Variants in ANXA11 observed in about 807,000 individuals in gnomAD.
ANXA11 encodes annexin A11.
Under a neutral mutation model 64.7 loss-of-function variants are expected in ANXA11, and 57 were observed. The observed-to-expected ratio is 0.88, with a 90% CI of 0.71 to 1.10. The LOEUF (loss-of-function observed/expected upper bound fraction) is 1.10, where lower values mean the gene tolerates loss of function less well. ANXA11 is among the 50% of genes least tolerant of loss of function. The pLI is 0.00. For synonymous variants in ANXA11, 260 were observed against 265.2 expected (o/e 0.98, Z 0.19); for missense variants, 675 against 670.7 (o/e 1.01, Z -0.07).
intron 1 of ANXA11, among the ~76,000 whole-genome samples, chr10:80,198,080 C>A (rs989728018): frequency 1.3e-5 from 2 of 152,216 alleles, no homozygotes; most frequent in Admixed American, 6.5e-5. Context: ...ATCAGCAAAG[C>A]CACAGCAGCT....
At chr10:80,189,562 T>A (rs556180362) in intron 1 of ANXA11, among the ~76,000 whole-genome samples, 1 of 152,346 alleles carries the variant, frequency 6.6e-6, no homozygotes, top group African/African-American at 2.4e-5. Flanking sequence ...TCAAAATGTG[T>A]GGGATCAGCA....
At chr10:80,182,415 C>G (rs963896469) in intron 1 of ANXA11, among the ~76,000 whole-genome samples, 5 of 152,054 alleles carry the variant, frequency 3.3e-5, no homozygotes, top group African/African-American at 1.2e-4. Flanking sequence ...AGGTCACCAC[C>G]AAGCAGTTTT....
chr10:80,165,798 G>A (rs61860025), intron 8 of ANXA11, among the ~76,000 whole-genome samples: 24 of 151,942 alleles, frequency 1.6e-4, no homozygotes, highest in African/African-American at 5.6e-4. Context: ...CTTCAAACCC[G>A]AGCTCCCCCT....
intron 2 of ANXA11, among the ~76,000 whole-genome samples, chr10:80,175,562 A>G (rs1356936028): frequency 6.6e-6 from 1 of 152,040 alleles, no homozygotes; most frequent in African/African-American, 2.4e-5. Flanking sequence ...CGACATAAAT[A>G]AAATTTCAGC....
intron 3 of ANXA11, among the ~76,000 whole-genome samples, chr10:80,172,353 G>A (rs968299862): frequency 6.6e-6 from 1 of 152,162 alleles, no homozygotes; most frequent in African/African-American, 2.4e-5. Context: ...CACACACCTT[G>A]AGCAGAGGGT....
Position 80,157,873 on chromosome 10 carries a change from T to C in ANXA11, c.1335+94A>G, listed in dbSNP as rs12767142. 58,196 of 1,589,450 alleles carry C rather than the reference T, an allele frequency of 0.037. 1,237 individuals carry two copies. Among genetic ancestry groups the C allele is most frequent in the Middle Eastern group, 0.047 (272 of 5,820 alleles). ...AGGTCCTCGGAACTCTCAGCTGAGA[T>C]TTAGCTCTCCCCAGGCCTTCTGCCC... On this transcript the variant is annotated intron_variant, in intron 14 of 15. Transcript: ENST00000422982.
chr10:80,193,884 T>G (rs2132489478), intron 1 of ANXA11, among the ~76,000 whole-genome samples: 1 of 151,760 alleles, frequency 6.6e-6, no homozygotes, highest in South Asian at 2.1e-4. Context: ...AGTCTCTTGC[T>G]CTGTCACCCA....
In ANXA11 at chr10:80,153,085, GT is replaced by G. The variant is rs1388966585; in HGVS notation, c.*2767del. 1 of 152,160 alleles carries G rather than the reference GT, an allele frequency of 6.6e-6. No individual in the cohort carries two copies. The highest frequency in any genetic ancestry group is 1.5e-5 in the Non-Finnish European group (1 of 68,042). 9.4% of individuals were successfully genotyped at this position (152,160 alleles called of 1,614,324 possible). On this transcript the variant is annotated 3_prime_UTR_variant, in exon 16 of 16. Transcript: ENST00000422982. Reference sequence around the variant, plus strand: ...CACTCTGGCCTGGATATCCACCTTGGTCTATTCCTTGACCAAAGCACATCCA... The same window carrying G: ...CACTCTGGCCTGGATATCCACCTTGGCTATTCCTTGACCAAAGCACATCCA...
chr10:80,201,555 G>C (rs1287908099), intron 1 of ANXA11, among the ~76,000 whole-genome samples: 1 of 152,184 alleles, frequency 6.6e-6, no homozygotes, highest in South Asian at 2.1e-4. Flanking sequence ...TCCTCATCCA[G>C]TGTCCCATGT....
chr10:80,170,553 G>T (rs1296146238), intron 4 of ANXA11, among the ~76,000 whole-genome samples: 3 of 152,182 alleles, frequency 2.0e-5, no homozygotes, highest in Non-Finnish European at 2.9e-5. Flanking sequence ...AGGGCTGAAA[G>T]GGACCTGTGA....
intron 3 of ANXA11, among the ~76,000 whole-genome samples, chr10:80,172,488 C>T (rs540968367): frequency 3.3e-5 from 5 of 152,238 alleles, no homozygotes; most frequent in East Asian, 1.9e-4. Flanking sequence ...AGCAATTTTG[C>T]GGAGAAGAAA....
chr10:80,158,697 T>C (rs550579046), intron 13 of ANXA11, among the ~76,000 whole-genome samples: 1 of 152,322 alleles, frequency 6.6e-6, no homozygotes, highest in African/African-American at 2.4e-5. Context: ...AGCATGGGCC[T>C]GTTTCGCTGC....
intron 5 of ANXA11, 143 bp from the exon 6 acceptor site, chr10:80,167,456 G>A (rs1253902750): frequency 7.3e-6 from 5 of 684,800 alleles, no homozygotes; most frequent in Non-Finnish European, 1.3e-5. Context: ...CAATGCAGAG[G>A]ACTTTACGCC....
At chr10:80,202,013 TC>T (rs1840447228) in intron 1 of ANXA11, among the ~76,000 whole-genome samples, 1 of 152,178 alleles carries the variant, frequency 6.6e-6, no homozygotes. Flanking sequence ...AAGCTAGAGA[TC>T]CCAGAACCAG....
At chr10:80,171,668 G>T (rs1169000300) in intron 3 of ANXA11, 49 of 985,408 alleles carry the variant, frequency 5.0e-5, no homozygotes, top group Non-Finnish European at 5.7e-5. Flanking sequence ...GGGGCCTCTG[G>T]CCTGTTAGAT....
In ANXA11 at chr10:80,187,973, G is replaced by A. The variant is rs1279028742; in HGVS notation, c.-57-11818C>T. ...AGACAACCCTTGCAGCAGCTCTGCC[G>A]GAAGGAAGCAGAAACTTCTCTAAAC... On this transcript the variant is annotated intron_variant, in intron 1 of 15. Coordinates refer to ENST00000422982, the MANE Select transcript of ANXA11 (RefSeq NM_145868.2). Among the ~76,000 whole-genome samples, 7 of 152,118 alleles carry A rather than the reference G, an allele frequency of 4.6e-5. 1 individual carries two copies. Among genetic ancestry groups the A allele is most frequent in the Admixed American group, 2.6e-4 (4 of 15,264 alleles).
At chr10:80,192,010 G>C (rs775459822) in intron 1 of ANXA11, among the ~76,000 whole-genome samples, 2 of 152,170 alleles carry the variant, frequency 1.3e-5, no homozygotes, top group Non-Finnish European at 2.9e-5. Flanking sequence ...AGAGCTCATC[G>C]TCCCCAGGGC....
Position 80,169,329 on chromosome 10 carries a change from T to G in ANXA11, c.201A>C (p.Gly67=). 1 of 1,608,986 alleles carries G rather than the reference T, an allele frequency of 6.2e-7. No individual in the cohort carries two copies. Among genetic ancestry groups the G allele is most frequent in the East Asian group, 2.2e-5 (1 of 44,864 alleles). ...MAANMSGTFG[G]ANMPNLYPGA... The stretch of plus-strand genomic sequence containing the variant: ...CAGGGTACAGGTTGGGCATGTTGGC[T>G]CCTCCAAATGTCCCAGACATGTTGG... Residue 67 remains glycine (G), a synonymous_variant, in exon 5 of 16, where the codon GGA becomes GGC. Coordinates refer to ENST00000422982, the MANE Select transcript of ANXA11 (RefSeq NM_145868.2).
intron 15 of ANXA11, chr10:80,156,826 A>G (rs1171801340): frequency 4.5e-6 from 1 of 220,248 alleles, no homozygotes; most frequent in Non-Finnish European, 7.7e-6. Flanking sequence ...TTCTCTAACA[A>G]CAGCTTCATT....
Sources: allele counts gnomAD v4.1 joint callset (sites outside exome capture counted in the v4.1 genomes callset), GRCh38; gene constraint gnomAD v4.1.1; transcripts MANE v1.5; gene names NCBI Gene and HGNC (gene_info 2026-07-23, HGNC 2026-07-21).